ZNF519: variants seen among roughly 807,000 people sequenced by gnomAD.
ZNF519 encodes zinc finger protein 519.
ZNF519 carries 7 observed loss-of-function variants against 7.4 expected under a neutral mutation model. The observed-to-expected ratio is 0.94, with a 90% CI of 0.54 to 1.77. The LOEUF is 1.77. Ranked by LOEUF, ZNF519 falls within the 40% of genes most tolerant of loss-of-function variation. ZNF519 has a pLI of 0.00. For missense variants in ZNF519, 586 were observed against 623.1 expected (o/e 0.94, Z 0.63); for synonymous variants, 179 against 203.3 (o/e 0.88, Z 1.02).
chr18:14,118,251 G>A (rs1286299344), intron 2 of ZNF519, among the ~76,000 whole-genome samples: 1 of 151,860 alleles, frequency 6.6e-6, no homozygotes, highest in Non-Finnish European at 1.5e-5. Context: ...ATAGAGCCGG[G>A]GTTTCACCAT....
intron 3 of ZNF519, among the ~76,000 whole-genome samples, chr18:14,081,965 T>TAGTC (rs138184721): frequency 0.022 from 3,354 of 152,118 alleles, 124 homozygotes; most frequent in African/African-American, 0.074. Flanking sequence ...TATATTATAT[T>TAGTC]AGGTTATTTA....
At chr18:14,085,423 T>A (rs1054144851) in intron 2 of ZNF519, among the ~76,000 whole-genome samples, 4 of 151,554 alleles carry the variant, frequency 2.6e-5, no homozygotes. Flanking sequence ...GGAAAAAAAA[T>A]TTTTGGAAAA....
intron 2 of ZNF519, among the ~76,000 whole-genome samples, chr18:14,119,083 A>T (rs2046259087): frequency 6.6e-6 from 1 of 152,150 alleles, no homozygotes; most frequent in Non-Finnish European, 1.5e-5. Context: ...TCCTAAAGGA[A>T]ATCTAATCTT....
At chr18:14,083,446 G>A (rs532006631) in intron 3 of ZNF519, among the ~76,000 whole-genome samples, 3 of 152,264 alleles carry the variant, frequency 2.0e-5, no homozygotes, top group East Asian at 1.9e-4. Context: ...TCCACGGGAT[G>A]GATATTCTGT....
chr18:14,121,601 TTCAA>T (rs1327225295), intron 2 of ZNF519, among the ~76,000 whole-genome samples: 1 of 152,134 alleles, frequency 6.6e-6, no homozygotes, highest in African/African-American at 2.4e-5. Context: ...CTATATGCCA[TTCAA>T]ATACCTTTCT....
intron 1 of ZNF519, among the ~76,000 whole-genome samples, chr18:14,128,204 A>C (rs1284905378): frequency 6.6e-6 from 1 of 151,960 alleles, no homozygotes; most frequent in African/African-American, 2.4e-5. Context: ...GAGCCAGGAG[A>C]ATGGCATGAA....
At chr18:14,109,671 T>C (rs773304362) in intron 2 of ZNF519, among the ~76,000 whole-genome samples, 1 of 152,088 alleles carries the variant, frequency 6.6e-6, no homozygotes, top group Non-Finnish European at 1.5e-5. Context: ...TATGTGATCA[T>C]GGAAATACAT....
intron 2 of ZNF519, among the ~76,000 whole-genome samples, chr18:14,117,673 G>C (rs2046252168): frequency 6.6e-6 from 1 of 152,158 alleles, no homozygotes; most frequent in Admixed American, 6.5e-5. Flanking sequence ...AAGCATAGCA[G>C]CTTCTGCTTC....
chr18:14,120,530 A>C (rs2046265387), intron 2 of ZNF519, among the ~76,000 whole-genome samples: 1 of 152,198 alleles, frequency 6.6e-6, no homozygotes, highest in Admixed American at 6.5e-5. Context: ...TTGAAAGAAA[A>C]TATAAACAAG....
chr18:14,114,038 A>AT (rs1006731648), intron 2 of ZNF519, among the ~76,000 whole-genome samples: 3 of 151,360 alleles, frequency 2.0e-5, no homozygotes, highest in East Asian at 3.9e-4. Context: ...CTGGTTATCA[A>AT]TTTTTTTTCT....
chr18:14,077,692 G>A (rs942001270), intron 4 of ZNF519, among the ~76,000 whole-genome samples: 2 of 152,176 alleles, frequency 1.3e-5, no homozygotes, highest in Non-Finnish European at 2.9e-5. Context: ...GGAGGGACAG[G>A]ACTCATGTAG....
intron 2 of ZNF519, among the ~76,000 whole-genome samples, chr18:14,112,187 A>G (rs577090802): frequency 6.6e-6 from 1 of 152,328 alleles, no homozygotes. Flanking sequence ...ATGCAAATCA[A>G]TTAATGTAAT....
intron 2 of ZNF519, among the ~76,000 whole-genome samples, chr18:14,093,600 T>C (rs1369438746): frequency 2.0e-5 from 3 of 152,180 alleles, no homozygotes; most frequent in African/African-American, 4.8e-5. Flanking sequence ...CAAAGAACAA[T>C]TCACACATCT....
intron 2 of ZNF519, among the ~76,000 whole-genome samples, chr18:14,114,087 T>C (rs1245536269): frequency 6.6e-6 from 1 of 152,190 alleles, no homozygotes; most frequent in Non-Finnish European, 1.5e-5. Flanking sequence ...ATTTGGTATG[T>C]TGTCTCTTCA....
chr18:14,101,806 G>T lies in ZNF519; in HGVS notation c.*3111C>A. 1 of 398,460 alleles carries T rather than the reference G, an allele frequency of 2.5e-6. No individual in the cohort carries two copies. The highest frequency in any genetic ancestry group is 4.4e-6 in the Non-Finnish European group (1 of 226,012). The allele number at this position is 398,460 out of a possible 1,614,324, so 24.7% of individuals were successfully genotyped here. On this transcript the variant is annotated 3_prime_UTR_variant, in exon 3 of 3. Coordinates refer to ENST00000590202, the MANE Select transcript of ZNF519 (RefSeq NM_145287.4). ...GACAAACCAGCAGTTAATCTTGCAC[G>T]CAACAGAGCCCTGCTTGGCTGACCT...
chr18:14,129,211 T>A (rs745409543), intron 1 of ZNF519, among the ~76,000 whole-genome samples: 37 of 152,080 alleles, frequency 2.4e-4, no homozygotes, highest in Non-Finnish European at 2.6e-4. Flanking sequence ...AAAAAACAGG[T>A]TCCCGATAGA....
intron 2 of ZNF519, among the ~76,000 whole-genome samples, chr18:14,111,636 T>C (rs949295115): frequency 1.3e-5 from 2 of 151,898 alleles, no homozygotes; most frequent in African/African-American, 4.8e-5. Context: ...TTCAAGATCA[T>C]TAGTGGCTGC....
intron 2 of ZNF519, among the ~76,000 whole-genome samples, chr18:14,119,436 A>G (rs984920499): frequency 2.0e-5 from 3 of 152,172 alleles, no homozygotes; most frequent in African/African-American, 7.2e-5. Context: ...CATATTACTG[A>G]AAGTTTGTAT....
intron 2 of ZNF519, among the ~76,000 whole-genome samples, chr18:14,106,701 G>C (rs2046194756): frequency 1.3e-5 from 2 of 152,150 alleles, no homozygotes; most frequent in Admixed American, 1.3e-4. Context: ...CTCACTAAAA[G>C]AGGGTAGGAA....
Sources: allele counts gnomAD v4.1 joint callset (sites outside exome capture counted in the v4.1 genomes callset), GRCh38; gene constraint gnomAD v4.1.1; transcripts MANE v1.5; gene names NCBI Gene and HGNC (gene_info 2026-07-23, HGNC 2026-07-21).